Variants in PTPRD observed in about 807,000 individuals in gnomAD.
PTPRD encodes the protein receptor-type tyrosine-protein phosphatase delta.
PTPRD carries 34 observed loss-of-function variants against 214.5 expected under a neutral mutation model. The ratio of observed to expected loss-of-function variants is 0.16; its 90% confidence interval spans 0.12 to 0.21. The LOEUF is 0.21. PTPRD is among the 10% of genes least tolerant of loss of function. The pLI, the probability that PTPRD is intolerant of heterozygous loss-of-function variation, is 1.00. For missense variants in PTPRD, 2,545 were observed against 2,398.7 expected (o/e 1.06, Z -1.27); for synonymous variants, 1,128 against 845.7 (o/e 1.33, Z -5.79).
chr9:8,713,842 G>C (rs796833700), intron 12 of PTPRD: 167 of 1,457,862 alleles, frequency 1.1e-4, no homozygotes, highest in Middle Eastern at 9.4e-4. Flanking sequence ...CTTCTTCTAG[G>C]TGCAGGGCCC....
chr9:9,254,687 G>A (rs762129706), intron 9 of PTPRD, among the ~76,000 whole-genome samples: 2 of 152,022 alleles, frequency 1.3e-5, no homozygotes, highest in African/African-American at 4.8e-5. Flanking sequence ...TGATTTAGGA[G>A]AAATATCAGC....
At chr9:9,509,600 A>G (rs2096651021) in intron 8 of PTPRD, among the ~76,000 whole-genome samples, 1 of 151,438 alleles carries the variant, frequency 6.6e-6, no homozygotes, top group Non-Finnish European at 1.5e-5. Flanking sequence ...AACAAACCCT[A>G]AATTTTAGAC....
At chr9:9,801,995 G>A (rs1243856856) in intron 5 of PTPRD, among the ~76,000 whole-genome samples, 1 of 151,980 alleles carries the variant, frequency 6.6e-6, no homozygotes, top group Non-Finnish European at 1.5e-5. Context: ...AGGATATATG[G>A]CAAGTTGGTG....
intron 2 of PTPRD, among the ~76,000 whole-genome samples, chr9:10,510,932 A>G (rs2047807385): frequency 6.6e-6 from 1 of 152,182 alleles, no homozygotes; most frequent in Non-Finnish European, 1.5e-5. Context: ...TAGTTCCCAC[A>G]TATGACTGGG....
At chr9:9,415,869 G>A (rs901575764) in intron 8 of PTPRD, among the ~76,000 whole-genome samples, 4 of 152,174 alleles carry the variant, frequency 2.6e-5, no homozygotes, top group African/African-American at 7.2e-5. Flanking sequence ...TAGTCGGGTA[G>A]GACGGGGTAG....
At chr9:9,375,022 CT>C (rs978366307) in intron 9 of PTPRD, among the ~76,000 whole-genome samples, 1 of 151,966 alleles carries the variant, frequency 6.6e-6, no homozygotes, top group East Asian at 1.9e-4. Flanking sequence ...ATTACTAGAA[CT>C]TTTTTTTACA....
chr9:10,133,102 G>A (rs944784309), intron 3 of PTPRD, among the ~76,000 whole-genome samples: 3 of 152,102 alleles, frequency 2.0e-5, no homozygotes, highest in African/African-American at 7.2e-5. Flanking sequence ...CCAGCACACA[G>A]CCAACGAGGA....
chr9:9,921,768 A>G (rs1036250171), intron 5 of PTPRD, among the ~76,000 whole-genome samples: 6 of 151,976 alleles, frequency 3.9e-5, no homozygotes, highest in South Asian at 4.1e-4. Context: ...AAAAAAAACT[A>G]AAGATAGTAG....
rs1001680826 is a variant in PTPRD, at chr9:10,049,171, G to A, written c.-544-15381C>T. 4.6e-5 allele frequency among the ~76,000 whole-genome samples: 7 copies of A among 152,230 alleles called. No homozygotes were observed. In the South Asian group the frequency reaches 6.2e-4, roughly 14 times the overall value. On this transcript the variant is annotated intron_variant, in intron 3 of 45. Coordinates refer to ENST00000381196, the MANE Select transcript of PTPRD (RefSeq NM_002839.4). ...GACACTGATACCACTTCAATGTGGC[G>A]TTTGCGGAAAAAGGAGGCATGGAGT...
rs796773192 is a variant in PTPRD at position 8,787,600 on chromosome 9, T to C, written c.-103-53654A>G. Among the ~76,000 whole-genome samples, 75 of 152,220 alleles carry C rather than the reference T, an allele frequency of 4.9e-4. 2 individuals carry two copies. Among genetic ancestry groups the C allele is most frequent in the African/African-American group, 1.8e-3 (73 of 41,532 alleles). On this transcript the variant is annotated intron_variant, in intron 11 of 45. Coordinates refer to ENST00000381196, the MANE Select transcript of PTPRD (RefSeq NM_002839.4). ...ATCTTTCTCAATCCCCCTGGAAAGA[T>C]ATGTGAAATATCTAAAGTTGAAGAA...
At chr9:9,346,808 T>C (rs548197753) in intron 9 of PTPRD, among the ~76,000 whole-genome samples, 4 of 152,280 alleles carry the variant, frequency 2.6e-5, no homozygotes, top group Admixed American at 2.6e-4. Context: ...TTCTCCTGCC[T>C]CAGCCTCTCA....
intron 3 of PTPRD, among the ~76,000 whole-genome samples, chr9:10,269,817 G>T (rs1349425627): frequency 1.3e-5 from 2 of 151,700 alleles, no homozygotes; most frequent in Non-Finnish European, 2.9e-5. Flanking sequence ...ATTATGTTCT[G>T]TAAAACATAA....
intron 3 of PTPRD, among the ~76,000 whole-genome samples, chr9:10,232,214 AC>A (rs1245330565): frequency 6.6e-6 from 1 of 151,660 alleles, no homozygotes; most frequent in Non-Finnish European, 1.5e-5. Context: ...AGCTAAATAC[AC>A]CTTTTTTCCT....
At chr9:9,653,807 C>A (rs2096440063) in intron 7 of PTPRD, among the ~76,000 whole-genome samples, 2 of 152,162 alleles carry the variant, frequency 1.3e-5, no homozygotes, top group African/African-American at 4.8e-5. Flanking sequence ...GGACTATTAA[C>A]TAAGGACACA....
At chr9:9,903,489 CAATA>C (rs766729923) in intron 5 of PTPRD, among the ~76,000 whole-genome samples, 11 of 151,940 alleles carry the variant, frequency 7.2e-5, no homozygotes, top group Non-Finnish European at 1.2e-4. Context: ...ATCAGGTACC[CAATA>C]AATAATGGGT....
At chr9:8,577,498 G>A (rs917265957) in intron 14 of PTPRD, among the ~76,000 whole-genome samples, 21 of 151,940 alleles carry the variant, frequency 1.4e-4, no homozygotes, top group African/African-American at 3.9e-4. Context: ...CAGGTGATCC[G>A]CCTGCCTTGG....
chr9:8,546,322 G>A (rs1226270044), intron 14 of PTPRD, among the ~76,000 whole-genome samples: 2 of 152,096 alleles, frequency 1.3e-5, no homozygotes, highest in Non-Finnish European at 2.9e-5. Context: ...GTTATAATTC[G>A]ACAGATTAAC....
rs1347917053 is a variant in PTPRD at position 10,165,936 on chromosome 9, CTA to C, written c.-544-132148_-544-132147del. Among the ~76,000 whole-genome samples, 49 of 150,488 alleles carry C rather than the reference CTA, an allele frequency of 3.3e-4. 1 individual carries two copies. The highest frequency in any genetic ancestry group is 3.3e-4 in the Admixed American group (5 of 15,074). On this transcript the variant is annotated intron_variant, in intron 3 of 45. Coordinates refer to ENST00000381196, the MANE Select transcript of PTPRD (RefSeq NM_002839.4). ...ATATATAGATCTATGCAGACATAAT[CTA>C]TGTTTTATGTAAACATAACCTATGT...
At chr9:9,121,472 G>A (rs987149549) in intron 10 of PTPRD, among the ~76,000 whole-genome samples, 2 of 152,008 alleles carry the variant, frequency 1.3e-5, no homozygotes, top group Non-Finnish European at 2.9e-5. Flanking sequence ...ATATATACAC[G>A]ATAGAATACT....
Sources: allele counts gnomAD v4.1 joint callset (sites outside exome capture counted in the v4.1 genomes callset), GRCh38; gene constraint gnomAD v4.1.1; transcripts MANE v1.5; gene names NCBI Gene and HGNC (gene_info 2026-07-23, HGNC 2026-07-21).